Variants in GABRB1 observed in about 807,000 individuals in gnomAD.
GABRB1 encodes the protein gamma-aminobutyric acid type A receptor subunit beta1, also known as gamma-aminobutyric acid receptor subunit beta-1.
In GABRB1, 17 loss-of-function variants were observed where a neutral mutation model predicts 51.6. The observed-to-expected ratio is 0.33, with a 90% CI of 0.23 to 0.49. The LOEUF (loss-of-function observed/expected upper bound fraction) is 0.49, where lower values mean the gene tolerates loss of function less well. GABRB1 is among the 20% of genes least tolerant of loss of function. The pLI is 0.99. For synonymous variants in GABRB1, 247 were observed against 218.9 expected, an observed-to-expected ratio of 1.13 and a Z score of -1.14; for missense variants, 410 against 600.6, an observed-to-expected ratio of 0.68 and a Z score of 3.32.
intron 3 of GABRB1, among the ~76,000 whole-genome samples, chr4:47,101,130 G>C (rs934355457): frequency 1.3e-4 from 20 of 151,974 alleles, no homozygotes; most frequent in African/African-American, 4.8e-4. Context: ...GACTCCCTTA[G>C]GACAGGGTCT....
At position 47,250,250 on chromosome 4, in the gene GABRB1, G is replaced by T. The variant is rs1383649458; in HGVS notation, c.462-69877G>T. ...GATACAAAATTTTTGGCTGATAATTGTTTTGTTTGAGGAGGCTGAAGATAG... is the reference window on the plus strand; with the variant it reads ...GATACAAAATTTTTGGCTGATAATTTTTTTGTTTGAGGAGGCTGAAGATAG... On this transcript the variant is annotated intron_variant, in intron 4 of 8. Coordinates refer to ENST00000295454, the MANE Select transcript of GABRB1 (RefSeq NM_000812.4). Among the ~76,000 whole-genome samples, 16 of 152,120 alleles carry T rather than the reference G, an allele frequency of 1.1e-4. 1 individual carries two copies.
intron 1 of GABRB1, among the ~76,000 whole-genome samples, chr4:47,014,928 A>T (rs1724700920): frequency 6.6e-6 from 1 of 151,516 alleles, no homozygotes; most frequent in Admixed American, 6.6e-5. Flanking sequence ...ATTTATTGAG[A>T]CGGAGTCTCG....
At chr4:47,076,267 C>A (rs1727544197) in intron 3 of GABRB1, among the ~76,000 whole-genome samples, 1 of 152,194 alleles carries the variant, frequency 6.6e-6, no homozygotes, top group African/African-American at 2.4e-5. Flanking sequence ...AAATCTTGCT[C>A]TCAAAAAGCT....
intron 4 of GABRB1, among the ~76,000 whole-genome samples, chr4:47,266,528 T>C (rs1312313518): frequency 6.6e-6 from 1 of 152,196 alleles, no homozygotes; most frequent in African/African-American, 2.4e-5. Flanking sequence ...CTTAATTTCA[T>C]CATTGACCCA....
At chr4:47,116,665 G>A (rs989598550) in intron 3 of GABRB1, among the ~76,000 whole-genome samples, 14 of 152,032 alleles carry the variant, frequency 9.2e-5, no homozygotes, top group Admixed American at 2.0e-4. Context: ...TGGCTTACTG[G>A]TCCTGTATTA....
At chr4:47,149,159 A>G (rs2109711527) in intron 3 of GABRB1, among the ~76,000 whole-genome samples, 1 of 152,164 alleles carries the variant, frequency 6.6e-6, no homozygotes, top group South Asian at 2.1e-4. Context: ...AATATAACAT[A>G]GGGAAAGCAC....
Position 47,406,765 on chromosome 4 carries a change from G to A in GABRB1, c.919G>A (p.Asp307Asn), listed in dbSNP as rs1438390654. The A allele has an allele frequency of 6.2e-7, 1 of 1,614,164 alleles. No individual in the cohort carries two copies. ...AAAGATCCCTTATGTCAAAGCGATT[G>A]ATATTTATCTGATGGGTTGCTTTGT... is the stretch of plus-strand genomic sequence containing the variant. ...LPKIPYVKAI[D>N]IYLMGCFVFV... The change falls in exon 8 of 9, where the codon GAT (aspartate) becomes AAT (asparagine). Residue 307 changes from aspartate (D) to asparagine (N), a missense_variant. Around this residue, in one of 5 missense-constraint regions of GABRB1, gnomAD observed 37 missense variants for 126.3 expected, o/e 0.29. Coordinates refer to ENST00000295454, the MANE Select transcript of GABRB1 (RefSeq NM_000812.4).
At chr4:47,389,675 A>G (rs1368911942) in intron 5 of GABRB1, among the ~76,000 whole-genome samples, 1 of 152,240 alleles carries the variant, frequency 6.6e-6, no homozygotes, top group African/African-American at 2.4e-5. Flanking sequence ...AAGGAACCCA[A>G]AGTAGCCTTT....
At position 47,019,625 on chromosome 4, in the gene GABRB1, C is replaced by CTCTCTCTCTTTCTTTCTT. The variant is rs1274221477; in HGVS notation, c.-19-12286_-19-12285insCTCTCTTTCTTTCTTTCT. Among the ~76,000 whole-genome samples, 351 of 91,102 alleles carry CTCTCTCTCTTTCTTTCTT rather than the reference C, an allele frequency of 3.9e-3. 2 individuals carry two copies. The highest frequency in any genetic ancestry group is 0.012 in the East Asian group (36 of 2,966). 59.8% of individuals were successfully genotyped at this position (91,102 alleles called of 152,430 possible). A position where few individuals can be genotyped will look rare whatever the true frequency, so the allele number is the denominator to read the frequency against. ...TCCTCCCTTCTTTCTTTCTTTCTCT[C>CTCTCTCTCTTTCTTTCTT]TCTTTCTTTCTTTCTTTCTTTCTTT... On this transcript the variant is annotated intron_variant, in intron 1 of 3. Coordinates refer to the GABRB1 transcript ENST00000513567.
intron 8 of GABRB1, among the ~76,000 whole-genome samples, 162 bp from the exon 9 acceptor site, chr4:47,425,512 A>AGATAGATAGATAGATG (rs1553884651): frequency 1.6e-4 from 23 of 147,990 alleles, no homozygotes; most frequent in Admixed American, 1.5e-3. Flanking sequence ...ATAGATAGAT[A>AGATAGATAGATAGATG]GATAGATCGA....
At chr4:47,273,517 G>A (rs755154533) in intron 4 of GABRB1, among the ~76,000 whole-genome samples, 2 of 152,096 alleles carry the variant, frequency 1.3e-5, no homozygotes, top group Admixed American at 6.6e-5. Context: ...GGATTGTTCT[G>A]GGCACAGTAG....
chr4:47,041,035 C>T (rs1452044283), intron 3 of GABRB1, among the ~76,000 whole-genome samples: 1 of 152,090 alleles, frequency 6.6e-6, no homozygotes, highest in Non-Finnish European at 1.5e-5. Flanking sequence ...TAAAGTGATT[C>T]AGAGTCCTTC....
At chr4:47,138,001 T>C (rs940638798) in intron 3 of GABRB1, among the ~76,000 whole-genome samples, 1 of 152,082 alleles carries the variant, frequency 6.6e-6, no homozygotes, top group Admixed American at 6.6e-5. Flanking sequence ...TGCAGTGAGG[T>C]TAAGTTGTCC....
At chr4:47,150,558 A>G (rs921546435) in intron 3 of GABRB1, among the ~76,000 whole-genome samples, 18 of 151,858 alleles carry the variant, frequency 1.2e-4, no homozygotes, top group African/African-American at 4.3e-4. Context: ...ATTTAATTGG[A>G]GAATTTCTGT....
chr4:47,261,096 C>G (rs1722416947), intron 4 of GABRB1, among the ~76,000 whole-genome samples: 1 of 152,190 alleles, frequency 6.6e-6, no homozygotes. Flanking sequence ...CAATATCATA[C>G]TGAATGGGCA....
intron 3 of GABRB1, among the ~76,000 whole-genome samples, chr4:47,095,131 A>G (rs1215747335): frequency 6.6e-6 from 1 of 152,170 alleles, no homozygotes; most frequent in African/African-American, 2.4e-5. Flanking sequence ...GTAGTAAGAC[A>G]TAGGACACAA....
intron 4 of GABRB1, among the ~76,000 whole-genome samples, chr4:47,235,808 A>G (rs894522656): frequency 6.6e-6 from 1 of 152,118 alleles, no homozygotes; most frequent in Non-Finnish European, 1.5e-5. Context: ...TTAAACGATT[A>G]AGATGTTAAA....
At chr4:47,076,486 C>G (rs1189390630) in intron 3 of GABRB1, among the ~76,000 whole-genome samples, 1 of 152,082 alleles carries the variant, frequency 6.6e-6, no homozygotes, top group Non-Finnish European at 1.5e-5. Flanking sequence ...GTGGCCAGAC[C>G]AGATCTCCTT....
intron 4 of GABRB1, among the ~76,000 whole-genome samples, chr4:47,187,576 T>G (rs1430890393): frequency 2.0e-5 from 3 of 151,846 alleles, no homozygotes; most frequent in Non-Finnish European, 4.4e-5. Context: ...TAGCGTGAAA[T>G]TATATGGATC....
Sources: allele counts gnomAD v4.1 joint callset (sites outside exome capture counted in the v4.1 genomes callset), GRCh38; gene constraint gnomAD v4.1.1; regional missense constraint gnomAD v4.1.1; transcripts MANE v1.5; gene names NCBI Gene and HGNC (gene_info 2026-07-23, HGNC 2026-07-21).